The following DLC1 variants were observed in gnomAD, a reference collection of about 807,000 sequenced individuals.
DLC1 encodes rho GTPase-activating protein 7.
DLC1 carries 54 observed loss-of-function variants against 140.3 expected under a neutral mutation model. The observed-to-expected ratio is 0.38, with a 90% CI of 0.31 to 0.48. The LOEUF (loss-of-function observed/expected upper bound fraction) is 0.48, where lower values mean the gene tolerates loss of function less well. Ranked by LOEUF, DLC1 falls within the 20% of genes least tolerant of loss-of-function variation. The pLI is 0.96. For synonymous variants in DLC1, 986 were observed against 728.1 expected (o/e 1.35, Z -5.70); for missense variants, 2,536 against 1,907.0 (o/e 1.33, Z -6.14).
intron 1 of DLC1, among the ~76,000 whole-genome samples, chr8:13,546,131 T>C (rs1213594379): frequency 6.6e-6 from 1 of 152,098 alleles, no homozygotes; most frequent in Non-Finnish European, 1.5e-5. Flanking sequence ...GATATGCTAT[T>C]TATAGGGCTC....
chr8:13,594,355 G>C (rs1256141800), intron 1 of DLC1, among the ~76,000 whole-genome samples: 1 of 152,054 alleles, frequency 6.6e-6, no homozygotes, highest in Non-Finnish European at 1.5e-5. Context: ...CAGTTCAGAA[G>C]AGTTTTCTGT....
intron 1 of DLC1, among the ~76,000 whole-genome samples, chr8:13,550,408 T>C (rs923445713): frequency 6.6e-6 from 1 of 152,240 alleles, no homozygotes; most frequent in East Asian, 1.9e-4. Context: ...TCTTTATGAA[T>C]TACCCAGTCT....
At chr8:13,461,055 A>C (rs1329557412) in intron 2 of DLC1, among the ~76,000 whole-genome samples, 1 of 152,186 alleles carries the variant, frequency 6.6e-6, no homozygotes, top group Admixed American at 6.5e-5. Flanking sequence ...TTTACAAAGA[A>C]ATAAATTAGC....
intron 5 of DLC1, among the ~76,000 whole-genome samples, chr8:13,255,729 T>A (rs1482492618): frequency 6.6e-6 from 1 of 152,188 alleles, no homozygotes; most frequent in Non-Finnish European, 1.5e-5. Flanking sequence ...CCCACCTCTG[T>A]CATGATCACT....
intron 1 of DLC1, among the ~76,000 whole-genome samples, chr8:13,583,648 G>T (rs1271759163): frequency 6.6e-6 from 1 of 152,164 alleles, no homozygotes; most frequent in Non-Finnish European, 1.5e-5. Flanking sequence ...ATATTTTCAT[G>T]TCAGAGGATT....
chr8:13,407,697 T>A (rs949867144), intron 2 of DLC1, among the ~76,000 whole-genome samples: 2 of 152,226 alleles, frequency 1.3e-5, no homozygotes, highest in African/African-American at 4.8e-5. Context: ...AAACCGGGAA[T>A]AGAACTGAAA....
At chr8:13,434,163 C>A (rs1839007830) in intron 2 of DLC1, among the ~76,000 whole-genome samples, 1 of 152,220 alleles carries the variant, frequency 6.6e-6, no homozygotes, top group Non-Finnish European at 1.5e-5. Context: ...AGGCGTGAGC[C>A]ACTGCGCCCA....
rs1585134454 is a variant in DLC1 at position 13,453,471 on chromosome 8, CATATATATGTATATATATACAT to C, written c.1023+45556_1023+45577del. ...ATACATATATATATGTATATATATA[CATATATATGTATATATATACAT>C]ATATATATGTATATATATATACATA... is the stretch of plus-strand genomic sequence containing the variant. On this transcript the variant is annotated intron_variant, in intron 2 of 17. Transcript: ENST00000276297. 3.2e-4 allele frequency among the ~76,000 whole-genome samples: 4 copies of C among 12,380 alleles called. 1 individual carries two copies. Among genetic ancestry groups the C allele is most frequent in the Non-Finnish European group, 2.4e-4 (2 of 8,174 alleles). The allele number at this position is 12,380 out of a possible 152,430, so 8.1% of individuals were successfully genotyped here.
chr8:13,590,009 T>C (rs1374454753), intron 1 of DLC1, among the ~76,000 whole-genome samples: 3 of 151,106 alleles, frequency 2.0e-5, no homozygotes, highest in Non-Finnish European at 4.4e-5. Context: ...CGAACATGCA[T>C]TATTTTAAAA....
intron 4 of DLC1, among the ~76,000 whole-genome samples, chr8:13,364,974 G>A (rs1168837066): frequency 6.6e-6 from 1 of 152,148 alleles, no homozygotes; most frequent in African/African-American, 2.4e-5. Context: ...TTAAATTCTT[G>A]GTATGTTTGA....
intron 5 of DLC1, among the ~76,000 whole-genome samples, chr8:13,175,552 A>T (rs1336198243): frequency 6.6e-6 from 1 of 152,120 alleles, no homozygotes; most frequent in South Asian, 2.1e-4. Context: ...CACATATTTT[A>T]AAATTCAACT....
intron 5 of DLC1, among the ~76,000 whole-genome samples, chr8:13,187,990 C>T (rs760782833): frequency 6.6e-6 from 1 of 151,602 alleles, no homozygotes; most frequent in African/African-American, 2.4e-5. Context: ...TGGAAAAGTA[C>T]TTGTAAAAAT....
chr8:13,277,060 C>T (rs1831201205), intron 5 of DLC1, among the ~76,000 whole-genome samples: 1 of 152,146 alleles, frequency 6.6e-6, no homozygotes, highest in Admixed American at 6.5e-5. Context: ...CTGTGGCTCA[C>T]GCCTGTTCCC....
intron 5 of DLC1, among the ~76,000 whole-genome samples, chr8:13,287,801 G>A (rs928586276): frequency 2.0e-5 from 3 of 151,766 alleles, no homozygotes; most frequent in African/African-American, 7.3e-5. Context: ...AAGGATACAT[G>A]GAGAAAGGAA....
At chr8:13,325,123 T>C (rs1833285555) in intron 4 of DLC1, among the ~76,000 whole-genome samples, 1 of 152,158 alleles carries the variant, frequency 6.6e-6, no homozygotes, top group Non-Finnish European at 1.5e-5. Flanking sequence ...CTTCTGTAAC[T>C]TTTGGCAATT....
In DLC1 at chr8:13,088,597, T is replaced by C. The variant is rs1198681387; in HGVS notation, c.4182A>G (p.Val1394=). The change falls in exon 16 of 18, where the codon GTA becomes GTG. Residue 1394 remains valine, a synonymous_variant. Transcript: ENST00000276297. Reference sequence around the variant, plus strand: ...CGATCACTTTTGAATCCAACAGGTCTACATCCCAGAGGTGCTGTTCTTTAA... The same window carrying C: ...CGATCACTTTTGAATCCAACAGGTCCACATCCCAGAGGTGCTGTTCTTTAA... The part of the protein sequence containing the change: ...RLLKEQHLWD[V]DLLDSKVIEI... The C allele has an allele frequency of 1.9e-6, 3 of 1,614,100 alleles. No individual in the cohort carries two copies. Among genetic ancestry groups the C allele is most frequent in the Non-Finnish European group, 2.5e-6 (3 of 1,180,048 alleles).
intron 1 of DLC1, among the ~76,000 whole-genome samples, chr8:13,538,525 GGTTCTTTGGCTTCAGAATTTTTGTT>G (rs1199211698): frequency 6.6e-6 from 1 of 152,002 alleles, no homozygotes; most frequent in Non-Finnish European, 1.5e-5. Flanking sequence ...TGTGTGGCTC[GGTTCTTTGGCTTCAGAATTTTTGTT>G]GTGAGTCTTT....
At chr8:13,426,175 T>C (rs1385164540) in intron 2 of DLC1, among the ~76,000 whole-genome samples, 1 of 151,352 alleles carries the variant, frequency 6.6e-6, no homozygotes, top group Non-Finnish European at 1.5e-5. Context: ...TGAAAAGATG[T>C]CCATGCTTAA....
chr8:13,519,674 T>C (rs1802705337), upstream of DLC1, among the ~76,000 whole-genome samples: 5 of 152,190 alleles, frequency 3.3e-5, no homozygotes, highest in Admixed American at 1.3e-4. Context: ...TCCAAAACCA[T>C]TGATTCCTGC....
Sources: allele counts gnomAD v4.1 joint callset (sites outside exome capture counted in the v4.1 genomes callset), GRCh38; gene constraint gnomAD v4.1.1; transcripts MANE v1.5; gene names NCBI Gene and HGNC (gene_info 2026-07-23, HGNC 2026-07-21).